PABPC4L: variants seen among roughly 807,000 people sequenced by gnomAD.
PABPC4L encodes the protein polyadenylate-binding protein 4-like.
For synonymous variants in PABPC4L, 169 were observed against 164.1 expected, an observed-to-expected ratio of 1.03 and a Z score of -0.23; for missense variants, 452 against 451.4, an observed-to-expected ratio of 1.00 and a Z score of -0.01.
chr4:134,191,825 TA>T (rs1376826437), downstream of PABPC4L, among the ~76,000 whole-genome samples: 3 of 149,936 alleles, frequency 2.0e-5, no homozygotes, highest in African/African-American at 7.4e-5. Flanking sequence ...AAAATACACA[TA>T]AAAAAGGACA....
chr4:134,155,177 C>T, the PABPC4L span, among the ~76,000 whole-genome samples: 2 of 151,934 alleles, frequency 1.3e-5, no homozygotes, highest in Non-Finnish European at 2.9e-5. Context: ...TATAATTTAT[C>T]CAGTACTTTA....
the PABPC4L span, among the ~76,000 whole-genome samples, chr4:134,114,255 G>A: frequency 5.5e-4 from 83 of 151,742 alleles, no homozygotes; most frequent in African/African-American, 1.9e-3. Flanking sequence ...AATGTGAAAT[G>A]TGAAACATCT....
chr4:134,092,466 C>T, the PABPC4L span, among the ~76,000 whole-genome samples: 4 of 151,924 alleles, frequency 2.6e-5, no homozygotes, highest in Non-Finnish European at 5.9e-5. Flanking sequence ...CTTCAAATTC[C>T]CATGACCTGA....
At chr4:134,087,351 T>G in the PABPC4L span, among the ~76,000 whole-genome samples, 16 of 152,122 alleles carry the variant, frequency 1.1e-4, no homozygotes, top group Non-Finnish European at 1.8e-4. Context: ...TCATTTTCAG[T>G]TCTTCTTTTA....
chr4:134,107,175 A>C, the PABPC4L span, among the ~76,000 whole-genome samples: 6 of 151,394 alleles, frequency 4.0e-5, no homozygotes, highest in African/African-American at 1.4e-4. Context: ...CTACAGTTAC[A>C]CAAAATTCAT....
the PABPC4L span, among the ~76,000 whole-genome samples, chr4:134,050,131 A>T: frequency 6.6e-6 from 1 of 152,190 alleles, no homozygotes; most frequent in Non-Finnish European, 1.5e-5. Context: ...GAAAAAGGTT[A>T]GAAATTAAAT....
chr4:134,140,181 G>C, the PABPC4L span, among the ~76,000 whole-genome samples: 4 of 151,678 alleles, frequency 2.6e-5, no homozygotes, highest in African/African-American at 9.7e-5. Flanking sequence ...TAACAGTATT[G>C]GATGGTATTC....
the PABPC4L span, among the ~76,000 whole-genome samples, chr4:134,069,769 T>G: frequency 6.6e-6 from 1 of 152,166 alleles, no homozygotes. Context: ...GGCTTTCTCC[T>G]GAATATCAAT....
chr4:133,978,478 T>C, the PABPC4L span, among the ~76,000 whole-genome samples: 1 of 152,038 alleles, frequency 6.6e-6, no homozygotes, highest in African/African-American at 2.4e-5. Flanking sequence ...TAGCTGGATG[T>C]AATTGCGTGC....
At chr4:134,079,487 G>A in the PABPC4L span, among the ~76,000 whole-genome samples, 1 of 147,958 alleles carries the variant, frequency 6.8e-6, no homozygotes, top group Non-Finnish European at 1.5e-5. Context: ...GCTGAGGCAG[G>A]AGAATGGCAT....
chr4:133,954,372 G>T, the PABPC4L span, among the ~76,000 whole-genome samples: 150 of 152,142 alleles, frequency 9.9e-4, 1 homozygote, highest in Admixed American at 1.0e-3. Context: ...TTCTTGTGAG[G>T]ATGGAGTTTT....
the PABPC4L span, among the ~76,000 whole-genome samples, chr4:134,054,662 A>AT: frequency 6.6e-6 from 1 of 151,812 alleles, no homozygotes; most frequent in Non-Finnish European, 1.5e-5. Flanking sequence ...TTGAGATTGC[A>AT]TTTTTTTCAC....
At chr4:133,982,415 C>T in the PABPC4L span, among the ~76,000 whole-genome samples, 3 of 151,804 alleles carry the variant, frequency 2.0e-5, no homozygotes, top group African/African-American at 7.3e-5. Flanking sequence ...TTCAGTAGTC[C>T]AGGACAGATT....
At chr4:133,962,877 G>A in the PABPC4L span, among the ~76,000 whole-genome samples, 1 of 151,986 alleles carries the variant, frequency 6.6e-6, no homozygotes, top group Non-Finnish European at 1.5e-5. Flanking sequence ...AACAAATCCT[G>A]GAAACATGTC....
chr4:134,196,137 T>G (rs747843446), downstream of PABPC4L, among the ~76,000 whole-genome samples: 36 of 151,586 alleles, frequency 2.4e-4, no homozygotes, highest in Non-Finnish European at 5.3e-4. Context: ...TTGTTAGTGT[T>G]TTGTTTTCAA....
At chr4:134,078,315 A>C in the PABPC4L span, among the ~76,000 whole-genome samples, 2 of 152,210 alleles carry the variant, frequency 1.3e-5, no homozygotes, top group Admixed American at 1.3e-4. Context: ...TAAAAATAAC[A>C]GACGTGGGCT....
the PABPC4L span, among the ~76,000 whole-genome samples, chr4:134,098,377 A>G: frequency 6.6e-6 from 1 of 151,722 alleles, no homozygotes; most frequent in East Asian, 1.9e-4. Context: ...ACTCTATACT[A>G]TATACCTGGG....
the PABPC4L span, among the ~76,000 whole-genome samples, chr4:134,159,810 G>T: frequency 6.6e-6 from 1 of 152,080 alleles, no homozygotes; most frequent in African/African-American, 2.4e-5. Flanking sequence ...GAAGCCCGCA[G>T]CCCTGAGAGT....
the PABPC4L span, among the ~76,000 whole-genome samples, chr4:134,176,448 G>A: frequency 4.0e-5 from 6 of 151,824 alleles, no homozygotes; most frequent in African/African-American, 9.7e-5. Flanking sequence ...GACCAGCCTC[G>A]GCAAAACAGT....
Sources: gnomAD v4.1 joint callset for allele counts (sites outside exome capture counted in the v4.1 genomes callset) on GRCh38, gnomAD v4.1.1 for gene constraint, MANE v1.5 for transcripts, NCBI Gene and HGNC (gene_info 2026-07-23, HGNC 2026-07-21) for gene names.